Variants in GAD2 observed in about 807,000 individuals in gnomAD.
The protein encoded by GAD2 is 65 kDa glutamic acid decarboxylase.
GAD2 carries 22 observed loss-of-function variants against 80.1 expected under a neutral mutation model. The observed-to-expected ratio is 0.27, with a 90% confidence interval of 0.20 to 0.39. The LOEUF (loss-of-function observed/expected upper bound fraction) is 0.39, where lower values mean the gene tolerates loss of function less well. Among genes scored for constraint, GAD2 ranks in the 10% least tolerant of loss-of-function variants. The pLI is 1.00. For synonymous variants in GAD2, 274 were observed against 256.9 expected, an observed-to-expected ratio of 1.07 and a Z score of -0.64; for missense variants, 624 against 738.4, an observed-to-expected ratio of 0.85 and a Z score of 1.80.
Position 26,265,716 on chromosome 10 carries a change from C to T in GAD2, c.921-3403C>T, listed in dbSNP as rs549799043. 6.6e-5 allele frequency among the ~76,000 whole-genome samples: 10 copies of T among 152,300 alleles called. No homozygotes were observed. The South Asian group carries it at 1.9e-3, about 28-fold the overall frequency. On this transcript the variant is annotated intron_variant, in intron 8 of 15. Transcript: ENST00000376261. ...TATAATTATTAAAGATATATGCTTA[C>T]GTTATAGACATACTTTTAGACCACA...
chr10:26,266,012 C>T (rs1462057818), intron 8 of GAD2, among the ~76,000 whole-genome samples: 1 of 152,242 alleles, frequency 6.6e-6, no homozygotes, highest in Admixed American at 6.5e-5. Flanking sequence ...TATTTAAATA[C>T]CTCCCAGGCT....
At chr10:26,233,412 G>A (rs1473861468) in intron 7 of GAD2, among the ~76,000 whole-genome samples, 2 of 152,122 alleles carry the variant, frequency 1.3e-5, no homozygotes, top group Non-Finnish European at 2.9e-5. Context: ...CGTAGGGTTG[G>A]GCTGGAGGGG....
At chr10:26,251,645 C>T (rs982439333) in intron 8 of GAD2, among the ~76,000 whole-genome samples, 1 of 152,202 alleles carries the variant, frequency 6.6e-6, no homozygotes, top group African/African-American at 2.4e-5. Flanking sequence ...CCATTTAGGA[C>T]AATTTCTTTC....
chr10:26,271,284 C>T (rs1845134325), intron 10 of GAD2, among the ~76,000 whole-genome samples: 2 of 152,096 alleles, frequency 1.3e-5, no homozygotes, highest in Admixed American at 1.3e-4. Flanking sequence ...GCTTGGTCAG[C>T]TAAGAAGATA....
At chr10:26,227,965 G>A (rs1041198002) in intron 6 of GAD2, among the ~76,000 whole-genome samples, 5 of 152,214 alleles carry the variant, frequency 3.3e-5, no homozygotes, top group Admixed American at 2.6e-4. Context: ...GCTCTGTGCT[G>A]GGCAGCCTGC....
chr10:26,291,613 G>A (rs906770347), intron 13 of GAD2, among the ~76,000 whole-genome samples: 1 of 152,200 alleles, frequency 6.6e-6, no homozygotes, highest in African/African-American at 2.4e-5. Flanking sequence ...TTCTCTGCTG[G>A]AGAAGTTACT....
At chr10:26,241,048 G>GA (rs924449421) in intron 7 of GAD2, among the ~76,000 whole-genome samples, 15 of 141,688 alleles carry the variant, frequency 1.1e-4, no homozygotes, top group South Asian at 6.7e-4. Flanking sequence ...TCTCAAAAAA[G>GA]AAAAAAAAAA....
At chr10:26,286,163 TACA>T (rs1315261449) in intron 12 of GAD2, among the ~76,000 whole-genome samples, 179 bp from the exon 13 acceptor site, 1 of 152,210 alleles carries the variant, frequency 6.6e-6, no homozygotes, top group African/African-American at 2.4e-5. Flanking sequence ...AGTTGACCAT[TACA>T]ACAACCTAGA....
At chr10:26,231,358 A>G (rs1377931164) in intron 7 of GAD2, among the ~76,000 whole-genome samples, 4 of 152,062 alleles carry the variant, frequency 2.6e-5, no homozygotes, top group Admixed American at 2.0e-4. Flanking sequence ...ATGTGTATCT[A>G]TGTGTGTGTG....
chr10:26,267,207 C>A (rs1218972747), intron 8 of GAD2, among the ~76,000 whole-genome samples: 1 of 151,134 alleles, frequency 6.6e-6, no homozygotes, highest in Non-Finnish European at 1.5e-5. Context: ...TCAAGATTTG[C>A]AAAAAAAAAT....
intron 9 of GAD2, among the ~76,000 whole-genome samples, chr10:26,270,132 G>T (rs1845117643): frequency 6.6e-6 from 1 of 152,162 alleles, no homozygotes; most frequent in South Asian, 2.1e-4. Context: ...TAAAAGTCAT[G>T]GCGTATTATT....
At chr10:26,285,295 T>C (rs895880079) in intron 12 of GAD2, among the ~76,000 whole-genome samples, 2 of 152,206 alleles carry the variant, frequency 1.3e-5, no homozygotes, top group African/African-American at 4.8e-5. Context: ...CATTGCATTG[T>C]GTTTTAGTGT....
intron 3 of GAD2, 75 bp downstream of exon 3, chr10:26,218,066 C>T: frequency 2.0e-6 from 3 of 1,467,326 alleles, no homozygotes; most frequent in Non-Finnish European, 9.1e-7. Flanking sequence ...GGTGCGGGTC[C>T]GGCGCTGAGA....
intron 10 of GAD2, among the ~76,000 whole-genome samples, chr10:26,271,222 T>C (rs1845133668): frequency 6.6e-6 from 1 of 152,098 alleles, no homozygotes; most frequent in Admixed American, 6.5e-5. Context: ...GAGAGGAAAA[T>C]AGGCTTGACA....
intron 6 of GAD2, among the ~76,000 whole-genome samples, chr10:26,229,169 G>A (rs1343436534): frequency 6.6e-6 from 1 of 150,824 alleles, no homozygotes; most frequent in African/African-American, 2.4e-5. Flanking sequence ...ACTCCAGCCT[G>A]GGCGACAGAG....
rs8190784 is a variant in GAD2, at chr10:26,292,404, G to A, written c.1387-61G>A. ...ACGGCAGGATGACGGTCAGTCTCCA[G>A]GGAAATCGCTTCCTCCGCACTCTTA... On this transcript the variant is annotated intron_variant, in intron 13 of 15. Transcript: ENST00000376261. 119 of 1,242,570 alleles carry A rather than the reference G, an allele frequency of 9.6e-5. No homozygotes were observed. In the African/African-American group the frequency reaches 1.5e-3, roughly 16 times the overall value. 77.0% of individuals were successfully genotyped at this position (1,242,570 alleles called of 1,614,324 possible). A position where few individuals can be genotyped will look rare whatever the true frequency, so the allele number is the denominator to read the frequency against.
At chr10:26,285,515 G>A (rs773854648) in intron 12 of GAD2, among the ~76,000 whole-genome samples, 7 of 152,136 alleles carry the variant, frequency 4.6e-5, no homozygotes, top group African/African-American at 1.4e-4. Context: ...AGAGACTGTC[G>A]ATACTATTTT....
intron 15 of GAD2, among the ~76,000 whole-genome samples, chr10:26,295,926 A>C (rs1394306244): frequency 1.3e-5 from 2 of 152,232 alleles, no homozygotes; most frequent in African/African-American, 4.8e-5. Context: ...GCTGTAGTGC[A>C]CAATAGGAAC....
At chr10:26,280,630 T>C (rs1845260713) in intron 11 of GAD2, among the ~76,000 whole-genome samples, 1 of 152,140 alleles carries the variant, frequency 6.6e-6, no homozygotes, top group Non-Finnish European at 1.5e-5. Context: ...GACTTTTCCC[T>C]TTAGCTTAGT....
Sources: allele counts gnomAD v4.1 joint callset (sites outside exome capture counted in the v4.1 genomes callset), GRCh38; gene constraint gnomAD v4.1.1; transcripts MANE v1.5; gene names NCBI Gene and HGNC (gene_info 2026-07-23, HGNC 2026-07-21).